ABCC2: variants seen among roughly 807,000 people sequenced by gnomAD.
ABCC2 encodes the protein ATP-binding cassette sub-family C member 2.
ABCC2 carries 157 observed loss-of-function variants against 173.4 expected under a neutral mutation model. The observed-to-expected ratio is 0.91, with a 90% CI of 0.80 to 1.03. ABCC2 has a LOEUF of 1.03. Among genes scored for constraint, ABCC2 ranks in the 50% least tolerant of loss-of-function variants. The pLI is 0.00. For missense variants in ABCC2, 1,822 were observed against 1,852.3 expected (o/e 0.98, Z 0.30); for synonymous variants, 657 against 693.5 (o/e 0.95, Z 0.83).
At position 99,800,369 on chromosome 10, in the gene ABCC2, T is replaced by A. The variant is rs761076807; in HGVS notation, c.1032-17T>A. ...GGAGGCCTTATGGGTATAACTAACT[T>A]GGCTTTTCTCTGGCAGATTGCTGAT... On this transcript the variant is annotated splice_polypyrimidine_tract_variant and intron_variant, in intron 8 of 31. Transcript: ENST00000647814. 6.2e-7 allele frequency: 1 copy of A among 1,613,970 alleles called. No homozygotes were observed. Among genetic ancestry groups the A allele is most frequent in the African/African-American group, 1.3e-5 (1 of 74,936 alleles).
chr10:99,803,259 G>A (rs1355556234), intron 9 of ABCC2, among the ~76,000 whole-genome samples: 2 of 152,188 alleles, frequency 1.3e-5, no homozygotes, highest in Non-Finnish European at 2.9e-5. Context: ...GTGAGCCACT[G>A]CACACAGCCT....
chr10:99,782,903 T>C (rs764724750), intron 1 of ABCC2, 26 bp downstream of exon 1: 1 of 1,612,568 alleles, frequency 6.2e-7, no homozygotes, highest in South Asian at 1.1e-5. Flanking sequence ...TATCTTCATA[T>C]TGACTCTTCT....
rs1023763335 is a variant in ABCC2 at position 99,807,317 on chromosome 10, G to A, written c.1531-67G>A. On this transcript the variant is annotated intron_variant, in intron 11 of 31. Coordinates refer to ENST00000647814, the MANE Select transcript of ABCC2 (RefSeq NM_000392.5). ...GGGGACTATATCTTAAAACATGGGT[G>A]GATCAGATACACCTGGTGCCCTTTC... 105 of 1,592,606 alleles carry A rather than the reference G, an allele frequency of 6.6e-5. 1 individual carries two copies. In the East Asian group the frequency reaches 2.2e-3, roughly 34 times the overall value.
intron 13 of ABCC2, among the ~76,000 whole-genome samples, 161 bp from the exon 14 acceptor site, chr10:99,809,973 A>G (rs2038180885): frequency 6.6e-6 from 1 of 152,230 alleles, no homozygotes; most frequent in Non-Finnish European, 1.5e-5. Context: ...ATCCACTTCC[A>G]TCTGTCTATG....
Position 99,850,538 on chromosome 10 carries a change from C to T in ABCC2, c.4314-64C>T, listed in dbSNP as rs368860786. ...TCTGATCTGGAACATGAAAATGGTC[C>T]CCCTGCCCTGCGTCTTTCCTTGGTC... is the stretch of plus-strand genomic sequence containing the variant. On this transcript the variant is annotated intron_variant, in intron 30 of 31. Transcript: ENST00000647814. The T allele has an allele frequency of 9.9e-6, 15 of 1,520,970 alleles. No individual in the cohort carries two copies. The African/African-American group carries it at 1.9e-4, about 19-fold the overall frequency. 94.2% of individuals were successfully genotyped at this position (1,520,970 alleles called of 1,614,324 possible). A position where few individuals can be genotyped will look rare whatever the true frequency, so the allele number is the denominator to read the frequency against.
In ABCC2 at chr10:99,810,236, TTGCTTCCCAAAC is replaced by T. The variant is rs2038186214; in HGVS notation, c.1900+20_1900+31del. 1.3e-5 allele frequency: 21 copies of T among 1,608,300 alleles called. No individual in the cohort carries two copies. In the East Asian group the frequency reaches 4.7e-4, roughly 36 times the overall value. On this transcript the variant is annotated intron_variant, in intron 14 of 31. Coordinates refer to ENST00000647814, the MANE Select transcript of ABCC2 (RefSeq NM_000392.5). ...CAATTTTGGTAAATAAATTTGGAAGTTGCTTCCCAAACTTATTCGCAGTACTGGTGCCAGAAT... is the reference window on the plus strand; with the variant it reads ...CAATTTTGGTAAATAAATTTGGAAGTTTATTCGCAGTACTGGTGCCAGAAT...
chr10:99,829,222 GC>G (rs988328168), intron 19 of ABCC2, among the ~76,000 whole-genome samples: 1 of 152,118 alleles, frequency 6.6e-6, no homozygotes, highest in Non-Finnish European at 1.5e-5. Flanking sequence ...AACCCACTCT[GC>G]CCCCTCCAGT....
At chr10:99,829,292 G>A (rs2038697745) in intron 19 of ABCC2, among the ~76,000 whole-genome samples, 1 of 152,116 alleles carries the variant, frequency 6.6e-6, no homozygotes, top group Non-Finnish European at 1.5e-5. Context: ...AGTTTTCTAG[G>A]TTATAGCAGC....
intron 16 of ABCC2, among the ~76,000 whole-genome samples, chr10:99,813,806 TA>T (rs2038259253): frequency 1.3e-5 from 2 of 152,016 alleles, no homozygotes; most frequent in Non-Finnish European, 2.9e-5. Context: ...TAACAGGACC[TA>T]GGGGAAAAGA....
At position 99,841,949 on chromosome 10, in the gene ABCC2, G is replaced by A; in HGVS notation, c.3615-18G>A. The A allele has an allele frequency of 6.2e-7, 1 of 1,614,108 alleles. No homozygotes were observed. On this transcript the variant is annotated intron_variant, in intron 25 of 31. Transcript: ENST00000647814. ...ACGTGATCAGTGACACGCACTCTCT[G>A]GTTCTGTTGCCCCACAGGTGGCTTG...
At chr10:99,801,103 G>A (rs1041937299) in intron 9 of ABCC2, among the ~76,000 whole-genome samples, 31 of 152,212 alleles carry the variant, frequency 2.0e-4, no homozygotes, top group African/African-American at 7.2e-4. Context: ...TCCTCTGTCT[G>A]ACTTCTTTTT....
intron 31 of ABCC2, among the ~76,000 whole-genome samples, chr10:99,851,241 C>T (rs75603256): frequency 3.9e-5 from 6 of 152,362 alleles, no homozygotes; most frequent in Non-Finnish European, 8.8e-5. Flanking sequence ...GTAAACCAAT[C>T]TATCCTTAAA....
chr10:99,841,135 C>T (rs2038937342), intron 25 of ABCC2, among the ~76,000 whole-genome samples: 1 of 152,174 alleles, frequency 6.6e-6, no homozygotes, highest in Non-Finnish European at 1.5e-5. Flanking sequence ...TTTACAAATA[C>T]TGAAATCAAA....
intron 19 of ABCC2, among the ~76,000 whole-genome samples, chr10:99,825,859 C>T (rs1340591398): frequency 6.6e-5 from 10 of 152,170 alleles, no homozygotes; most frequent in Admixed American, 1.3e-4. Flanking sequence ...ATTGTTGTAT[C>T]GTGGTAACTG....
chr10:99,842,017 C>T lies in ABCC2; in HGVS notation c.3665C>T (p.Ser1222Leu). ...ELVGNLTVFF[S>L]ALMMVIYRDT... Reference sequence around the variant, plus strand: ...GTTGGGAACCTGACTGTCTTCTTTTCAGCCTTGATGATGGTTATTTATAGA... The same window carrying T: ...GTTGGGAACCTGACTGTCTTCTTTTTAGCCTTGATGATGGTTATTTATAGA... The change falls in exon 26 of 32, where the codon TCA (serine) becomes TTA (leucine). Residue 1222 changes from serine (S) to leucine (L), a missense_variant. Transcript: ENST00000647814. 6.2e-7 allele frequency: 1 copy of T among 1,614,176 alleles called. No individual in the cohort carries two copies. The highest frequency in any genetic ancestry group is 8.5e-7 in the Non-Finnish European group (1 of 1,180,034).
In ABCC2 at chr10:99,810,204, A is replaced by G; in HGVS notation, c.1886A>G (p.His629Arg). 2 of 1,613,416 alleles carry G rather than the reference A, an allele frequency of 1.2e-6. No homozygotes were observed. Among genetic ancestry groups the G allele is most frequent in the Non-Finnish European group, 1.7e-6 (2 of 1,179,406 alleles). Residue 629 changes from histidine (H) to arginine (R), a missense_variant, in exon 14 of 32, where the codon CAT becomes CGT. His to Arg is a conservative substitution (Grantham distance 29). Coordinates refer to ENST00000647814, the MANE Select transcript of ABCC2 (RefSeq NM_000392.5). Reference protein sequence around the residue: ...GDDLDTSAIRHDCNFDKAMQF... With the variant: ...GDDLDTSAIRRDCNFDKAMQF... ...GACTTGGACACATCTGCCATTCGACATGACTGCAATTTTGGTAAATAAATT... is the reference window on the plus strand; with the variant it reads ...GACTTGGACACATCTGCCATTCGACGTGACTGCAATTTTGGTAAATAAATT...
In ABCC2 at chr10:99,845,606, AG is replaced by A; in HGVS notation, c.3988-15del. ...GAATTATTTGTGGAACTAATGTGTA[AG>A]GGAACTATATTCGCAGATTGGTGTG... On this transcript the variant is annotated splice_polypyrimidine_tract_variant and intron_variant, in intron 28 of 31. Transcript: ENST00000647814. The A allele has an allele frequency of 1.9e-6, 3 of 1,614,006 alleles. No individual in the cohort carries two copies. Among genetic ancestry groups the A allele is most frequent in the Non-Finnish European group, 2.5e-6 (3 of 1,179,956 alleles).
At chr10:99,801,931 A>G (rs1358341802) in intron 9 of ABCC2, among the ~76,000 whole-genome samples, 2 of 152,016 alleles carry the variant, frequency 1.3e-5, no homozygotes, top group Non-Finnish European at 2.9e-5. Flanking sequence ...AGTCCTTTGA[A>G]CTCCCAGATA....
In ABCC2 at chr10:99,794,554, T is replaced by A. The variant is rs142493446; in HGVS notation, c.632+86T>A. 7,713 of 1,365,370 alleles carry A rather than the reference T, an allele frequency of 5.6e-3. 148 individuals carry two copies. In the East Asian group the frequency reaches 0.074, roughly 13 times the overall value. 84.6% of individuals were successfully genotyped at this position (1,365,370 alleles called of 1,614,324 possible). A position where few individuals can be genotyped will look rare whatever the true frequency, so the allele number is the denominator to read the frequency against. Reference sequence around the variant, plus strand: ...CAGAAAGATTTTTTATTTTATTATTTTTTTTTTGAGATGGAGTTTTGCTCT... The same window carrying A: ...CAGAAAGATTTTTTATTTTATTATTATTTTTTTGAGATGGAGTTTTGCTCT... On this transcript the variant is annotated intron_variant, in intron 6 of 31. Transcript: ENST00000647814.
Sources: gnomAD v4.1 joint callset for allele counts (sites outside exome capture counted in the v4.1 genomes callset) on GRCh38, gnomAD v4.1.1 for gene constraint, MANE v1.5 for transcripts, NCBI Gene and HGNC (gene_info 2026-07-23, HGNC 2026-07-21) for gene names.